REDIC1: variants seen among roughly 807,000 people sequenced by gnomAD.
REDIC1 encodes the protein HEI10 Interacting Protein 1.
the REDIC1 span, among the ~76,000 whole-genome samples, chr12:39,812,747 C>T: frequency 3.3e-5 from 5 of 150,700 alleles, no homozygotes; most frequent in South Asian, 4.2e-4. Context: ...GCTGGGATTA[C>T]GGGCGTGAGT....
At chr12:39,750,384 A>T in the REDIC1 span, among the ~76,000 whole-genome samples, 1 of 152,218 alleles carries the variant, frequency 6.6e-6, no homozygotes, top group East Asian at 1.9e-4. Context: ...TTCAAGAACT[A>T]CAAACCACTG....
At chr12:39,738,809 C>A in the REDIC1 span, among the ~76,000 whole-genome samples, 2 of 151,142 alleles carry the variant, frequency 1.3e-5, no homozygotes, top group African/African-American at 4.9e-5. Context: ...TAGAAAGTGA[C>A]CTTAGTAATT....
At chr12:39,728,501 T>C in the REDIC1 span, among the ~76,000 whole-genome samples, 3 of 152,196 alleles carry the variant, frequency 2.0e-5, no homozygotes, top group Non-Finnish European at 4.4e-5. Context: ...GAAGCCAACT[T>C]GATCATGATG....
At chr12:39,778,921 G>T in the REDIC1 span, among the ~76,000 whole-genome samples, 2 of 152,146 alleles carry the variant, frequency 1.3e-5, no homozygotes, top group Admixed American at 6.5e-5. Context: ...TTACTTTTTA[G>T]GTTAAGAGTT....
chr12:39,764,831 T>C, the REDIC1 span: 2 of 1,612,394 alleles, frequency 1.2e-6, no homozygotes, highest in East Asian at 4.5e-5. Context: ...ATATATCTTC[T>C]GTTTTGAACT....
the REDIC1 span, chr12:39,691,930 G>A: frequency 2.3e-6 from 2 of 865,094 alleles, no homozygotes; most frequent in Non-Finnish European, 3.3e-6. Flanking sequence ...AAACCATGTT[G>A]AACTGAAGTA....
At chr12:39,713,013 A>C in the REDIC1 span, among the ~76,000 whole-genome samples, 2 of 139,040 alleles carry the variant, frequency 1.4e-5, no homozygotes. Flanking sequence ...GTATATATAC[A>C]TGTGTATATA....
At chr12:39,802,698 T>C in the REDIC1 span, among the ~76,000 whole-genome samples, 3 of 152,088 alleles carry the variant, frequency 2.0e-5, no homozygotes, top group African/African-American at 7.2e-5. Context: ...TATACACACA[T>C]AGTTACATGT....
chr12:39,797,926 T>C, the REDIC1 span, among the ~76,000 whole-genome samples: 8 of 152,208 alleles, frequency 5.3e-5, no homozygotes, highest in Non-Finnish European at 1.2e-4. Context: ...CCCCCAGTGA[T>C]CTTACTTCCT....
the REDIC1 span, among the ~76,000 whole-genome samples, chr12:39,760,590 A>C: frequency 6.6e-6 from 1 of 152,032 alleles, no homozygotes; most frequent in African/African-American, 2.4e-5. Context: ...CTAAAATAAC[A>C]ACCAAGAAAT....
the REDIC1 span, among the ~76,000 whole-genome samples, chr12:39,793,040 A>G: frequency 1.3e-5 from 2 of 152,170 alleles, no homozygotes; most frequent in African/African-American, 4.8e-5. Context: ...TCATAAAGAT[A>G]TAAAACTATA....
At chr12:39,801,987 T>G in the REDIC1 span, among the ~76,000 whole-genome samples, 1 of 152,160 alleles carries the variant, frequency 6.6e-6, no homozygotes, top group Non-Finnish European at 1.5e-5. Flanking sequence ...TACCAGGGGA[T>G]AGCCAATGAA....
chr12:39,729,116 G>A, the REDIC1 span, among the ~76,000 whole-genome samples: 2 of 152,070 alleles, frequency 1.3e-5, no homozygotes, highest in Non-Finnish European at 2.9e-5. Context: ...CCAGCTCCCA[G>A]ATTCCTTGAG....
At chr12:39,765,859 A>G in the REDIC1 span, among the ~76,000 whole-genome samples, 1 of 151,940 alleles carries the variant, frequency 6.6e-6, no homozygotes, top group Non-Finnish European at 1.5e-5. Flanking sequence ...TGCATTAGCT[A>G]TTTATCCTGA....
At chr12:39,711,789 G>A in the REDIC1 span, among the ~76,000 whole-genome samples, 1 of 128,576 alleles carries the variant, frequency 7.8e-6, no homozygotes, top group African/African-American at 2.8e-5. Flanking sequence ...ATGTGTATGT[G>A]TGTGTACACA....
At chr12:39,780,677 T>C in the REDIC1 span, among the ~76,000 whole-genome samples, 1 of 152,068 alleles carries the variant, frequency 6.6e-6, no homozygotes, top group African/African-American at 2.4e-5. Context: ...AGTAACTCAT[T>C]TGAGAGTAGT....
chr12:39,628,263 G>A, the REDIC1 span, among the ~76,000 whole-genome samples: 1 of 152,060 alleles, frequency 6.6e-6, no homozygotes, highest in Non-Finnish European at 1.5e-5. Context: ...TGGCGGGATA[G>A]GCTTCTTAGG....
the REDIC1 span, among the ~76,000 whole-genome samples, chr12:39,862,951 C>T: frequency 6.6e-6 from 1 of 152,056 alleles, no homozygotes; most frequent in Non-Finnish European, 1.5e-5. Context: ...TGGTTTTAAC[C>T]ATAAAAACCC....
the REDIC1 span, among the ~76,000 whole-genome samples, chr12:39,773,540 C>CATTT: frequency 1.3e-5 from 2 of 152,322 alleles, no homozygotes; most frequent in South Asian, 4.1e-4. Flanking sequence ...ACCTCTCCAT[C>CATTT]ATTTATCTTT....
Sources: gnomAD v4.1 joint callset for allele counts (sites outside exome capture counted in the v4.1 genomes callset) on GRCh38, gnomAD v4.1.1 for gene constraint, MANE v1.5 for transcripts, NCBI Gene and HGNC (gene_info 2026-07-23, HGNC 2026-07-21) for gene names.